Variants in AKAP13 observed in about 807,000 individuals in gnomAD.
The protein encoded by AKAP13 is A-kinase anchoring protein 13.
AKAP13 carries 80 observed loss-of-function variants against 264.5 expected under a neutral mutation model. The ratio of observed to expected loss-of-function variants is 0.30; its 90% CI spans 0.25 to 0.36. The LOEUF is 0.36. AKAP13 is among the 10% of genes least tolerant of loss of function. AKAP13 has a pLI of 1.00. For missense variants in AKAP13, 3,712 were observed against 3,435.2 expected, an observed-to-expected ratio of 1.08 and a Z score of -2.01; for synonymous variants, 1,380 against 1,250.2, an observed-to-expected ratio of 1.10 and a Z score of -2.19.
chr15:85,579,600 C>G lies in AKAP13; in HGVS notation c.1532C>G (p.Ser511Cys), dbSNP rs2079115938. The G allele has an allele frequency of 4.3e-6, 7 of 1,614,210 alleles. No individual in the cohort carries two copies. In the East Asian group the frequency reaches 1.3e-4, roughly 31 times the overall value. ...GESTKERFEN[S>C]NIGTAGASDV... is the part of the protein sequence containing the mutation. ...AGTACAAAGGAAAGATTTGAGAACT[C>G]TAATATTGGCACAGCTGGAGCCTCT... The change falls in exon 7 of 37, where the codon TCT becomes TGT. Residue 511 changes from serine (S) to cysteine (C), a missense_variant. By Grantham distance (112) the Ser-to-Cys change is moderately radical. Coordinates refer to ENST00000394518, the MANE Select transcript of AKAP13 (RefSeq NM_007200.5).
chr15:85,719,396 A>G, intron 23 of AKAP13, 70 bp downstream of exon 23: 2 of 1,552,722 alleles, frequency 1.3e-6, no homozygotes, highest in Middle Eastern at 1.8e-4. Context: ...TTCCACAGCC[A>G]TGCATTCACA....
At chr15:85,407,471 C>T (rs1226259645) in intron 1 of AKAP13, among the ~76,000 whole-genome samples, 1 of 151,602 alleles carries the variant, frequency 6.6e-6, no homozygotes, top group Non-Finnish European at 1.5e-5. Flanking sequence ...AACTCCTGAC[C>T]TCAGGTGATC....
chr15:85,542,800 C>T (rs1014289450), intron 4 of AKAP13, among the ~76,000 whole-genome samples: 5 of 152,152 alleles, frequency 3.3e-5, no homozygotes, highest in African/African-American at 1.2e-4. Flanking sequence ...GTGAAGAGAG[C>T]CGGGAAACAG....
intron 4 of AKAP13, among the ~76,000 whole-genome samples, chr15:85,537,537 A>G (rs927986047): frequency 6.6e-6 from 1 of 152,228 alleles, no homozygotes; most frequent in Non-Finnish European, 1.5e-5. Flanking sequence ...TTCTCCTCAG[A>G]AAAAAATGTT....
At chr15:85,525,207 A>C (rs2151168410) in intron 3 of AKAP13, among the ~76,000 whole-genome samples, 1 of 151,776 alleles carries the variant, frequency 6.6e-6, no homozygotes, top group South Asian at 2.1e-4. Context: ...ACAGGTGCCC[A>C]CCACCACACC....
chr15:85,403,125 G>A (rs7164190), intron 1 of AKAP13, among the ~76,000 whole-genome samples: 34,910 of 151,922 alleles, frequency 0.23, 4,302 homozygotes, highest in East Asian at 0.31. Flanking sequence ...TGAGAAATTT[G>A]TAAGATTAGA....
In AKAP13 at chr15:85,443,539, G is replaced by A. The variant is rs118051395; in HGVS notation, c.-11-42171G>A. Among the ~76,000 whole-genome samples the A allele has an allele frequency of 6.6e-5, 10 of 152,230 alleles. No individual in the cohort carries two copies. The East Asian group carries it at 1.5e-3, about 23-fold the overall frequency. ...TATTTGTTTTTGTTAGTAGAACCAT[G>A]AAATAAATTTCTGGCGATATGGGCA... On this transcript the variant is annotated intron_variant, in intron 1 of 36. Transcript: ENST00000394518.
chr15:85,603,902 A>G (rs751619737), intron 8 of AKAP13, among the ~76,000 whole-genome samples: 7 of 152,116 alleles, frequency 4.6e-5, no homozygotes, highest in African/African-American at 7.2e-5. Flanking sequence ...GTGCCTCACT[A>G]AGTACTGCAC....
intron 1 of AKAP13, among the ~76,000 whole-genome samples, chr15:85,443,968 CAGAA>C (rs1348085065): frequency 1.3e-5 from 2 of 152,042 alleles, no homozygotes. Flanking sequence ...TTTTTGAAAA[CAGAA>C]AGGTGGTTGA....
chr15:85,528,414 G>A (rs1015616275), intron 3 of AKAP13, among the ~76,000 whole-genome samples: 1 of 152,254 alleles, frequency 6.6e-6, no homozygotes, highest in East Asian at 1.9e-4. Flanking sequence ...GAGTATTAGG[G>A]ATCTGTTTTC....
chr15:85,477,958 G>A (rs374559192), intron 1 of AKAP13, among the ~76,000 whole-genome samples: 3 of 152,250 alleles, frequency 2.0e-5, no homozygotes, highest in South Asian at 4.1e-4. Context: ...TATCTGGCGC[G>A]TGCTGTTCCT....
intron 15 of AKAP13, among the ~76,000 whole-genome samples, chr15:85,684,106 C>G (rs575245510): frequency 2.0e-5 from 3 of 152,076 alleles, no homozygotes; most frequent in Non-Finnish European, 4.4e-5. Context: ...TAACAAGTAC[C>G]CTGTCATTCT....
intron 3 of AKAP13, among the ~76,000 whole-genome samples, chr15:85,522,258 C>G (rs998092900): frequency 1.3e-5 from 2 of 152,024 alleles, no homozygotes; most frequent in African/African-American, 2.4e-5. Flanking sequence ...ATAATACTTC[C>G]TATAATAGGA....
intron 1 of AKAP13, among the ~76,000 whole-genome samples, chr15:85,471,607 C>A (rs777759726): frequency 3.3e-5 from 5 of 152,228 alleles, no homozygotes; most frequent in Admixed American, 1.3e-4. Flanking sequence ...TAACTGCGTA[C>A]GTAACCACCA....
intron 1 of AKAP13, among the ~76,000 whole-genome samples, chr15:85,419,146 C>T (rs1348488296): frequency 6.6e-6 from 1 of 152,204 alleles, no homozygotes; most frequent in African/African-American, 2.4e-5. Context: ...ACACTGTTTG[C>T]TTTAAGTATA....
Position 85,655,667 on chromosome 15 carries a change from C to A in AKAP13, c.4625C>A (p.Thr1542Asn), listed in dbSNP as rs749720373. The A allele has an allele frequency of 1.9e-6, 3 of 1,614,228 alleles. No homozygotes were observed. Among genetic ancestry groups the A allele is most frequent in the Non-Finnish European group, 2.5e-6 (3 of 1,180,036 alleles). The change falls in exon 11 of 37, where the codon ACT becomes AAT. Residue 1542 changes from threonine to asparagine, a missense_variant. By Grantham distance (65) the Thr-to-Asn change is moderately conservative (BLOSUM62 0). Coordinates refer to ENST00000394518, the MANE Select transcript of AKAP13 (RefSeq NM_007200.5). The part of the protein sequence containing the change: ...DVEEEEMDSI[T>N]EVPANCSVLR... Reference sequence around the variant, plus strand: ...GAGGAGGAGGAGATGGACAGTATCACTGAAGTGCCTGCAAACTGCTCTGTC... The same window carrying A: ...GAGGAGGAGGAGATGGACAGTATCAATGAAGTGCCTGCAAACTGCTCTGTC...
chr15:85,498,757 T>C (rs2075960783), intron 2 of AKAP13, among the ~76,000 whole-genome samples: 1 of 152,190 alleles, frequency 6.6e-6, no homozygotes, highest in Non-Finnish European at 1.5e-5. Context: ...TCTGGACTTC[T>C]CTAGGGCGCT....
intron 35 of AKAP13, 24 bp from the exon 36 acceptor site, chr15:85,743,468 A>G: frequency 6.3e-7 from 1 of 1,599,788 alleles, no homozygotes; most frequent in East Asian, 2.2e-5. Context: ...TCCAAGTGAA[A>G]ACCCTTCTCT....
At chr15:85,394,422 A>G (rs536592240) in intron 1 of AKAP13, among the ~76,000 whole-genome samples, 2 of 152,266 alleles carry the variant, frequency 1.3e-5, no homozygotes, top group East Asian at 1.9e-4. Flanking sequence ...TTAAATGTGA[A>G]TTGTCCTTGA....
Sources: gnomAD v4.1 joint callset for allele counts (sites outside exome capture counted in the v4.1 genomes callset) on GRCh38, gnomAD v4.1.1 for gene constraint, MANE v1.5 for transcripts, NCBI Gene and HGNC (gene_info 2026-07-23, HGNC 2026-07-21) for gene names.